Variants in ADGRG6 observed in about 807,000 individuals in gnomAD.
The protein encoded by ADGRG6 is adhesion G protein-coupled receptor G6.
In ADGRG6, 84 loss-of-function variants were observed where a neutral mutation model predicts 142.4. That is an observed-to-expected ratio of 0.59 (90% CI 0.49 to 0.71). The LOEUF (loss-of-function observed/expected upper bound fraction) is 0.71, where lower values mean the gene tolerates loss of function less well. Ranked by LOEUF, ADGRG6 falls within the 30% of genes least tolerant of loss-of-function variation. ADGRG6 has a pLI of 0.00. For missense variants in ADGRG6, 1,367 were observed against 1,466.6 expected, an observed-to-expected ratio of 0.93 and a Z score of 1.11; for synonymous variants, 521 against 520.5, an observed-to-expected ratio of 1.00 and a Z score of -0.01.
In ADGRG6 at chr6:142,402,709, C is replaced by A; in HGVS notation, c.1834C>A (p.Gln612Lys). ...TSANITNIVE[Q>K]VKRIVNKEEN... ...AGCCAATATTACCAACATTGTGGAA[C>A]AGGTCAAAAGAATTGTGAATAAAGA... Residue 612 changes from glutamine to lysine, a missense_variant, in exon 13 of 25, where the codon CAG becomes AAG. By Grantham distance (53) the Gln-to-Lys change is moderately conservative. Around this residue, in one of 3 missense-constraint regions of ADGRG6, gnomAD observed 737 missense variants for 746.5 expected, o/e 0.99. Coordinates refer to ENST00000367609, the MANE Select transcript of ADGRG6 (RefSeq NM_198569.3). 1 of 1,605,184 alleles carries A rather than the reference C, an allele frequency of 6.2e-7. No individual in the cohort carries two copies. Among genetic ancestry groups the A allele is most frequent in the Non-Finnish European group, 8.5e-7 (1 of 1,172,606 alleles).
At chr6:142,413,253 A>T (rs1344938590) in intron 18 of ADGRG6, among the ~76,000 whole-genome samples, 1 of 151,888 alleles carries the variant, frequency 6.6e-6, no homozygotes, top group Non-Finnish European at 1.5e-5. Context: ...ATATTCCCAG[A>T]GTCTGCATTG....
intron 2 of ADGRG6, among the ~76,000 whole-genome samples, chr6:142,321,814 CTG>C (rs746338645): frequency 1.1e-3 from 161 of 152,152 alleles, no homozygotes; most frequent in Admixed American, 5.0e-3. Flanking sequence ...TTAGTTAAAT[CTG>C]TGCATTTTTT....
At position 142,402,741 on chromosome 6, in the gene ADGRG6, C is replaced by G. The variant is rs756707921; in HGVS notation, c.1866C>G (p.Asn622Lys). 2 of 1,596,848 alleles carry G rather than the reference C, an allele frequency of 1.3e-6. No homozygotes were observed. The highest frequency in any genetic ancestry group is 8.6e-7 in the Non-Finnish European group (1 of 1,165,094). ...QVKRIVNKEE[N>K]IDITLGSTLM... ...AAAGAATTGTGAATAAAGAAGAAAA[C>G]ATTGATATAACACTTGGCTCAACTC... The change falls in exon 13 of 25, where the codon AAC becomes AAG. Residue 622 changes from asparagine (N) to lysine (K), a missense_variant. This residue lies in a region of ADGRG6 where 737 missense variants were observed against 746.5 expected (regional missense o/e 0.99). Coordinates refer to ENST00000367609, the MANE Select transcript of ADGRG6 (RefSeq NM_198569.3).
chr6:142,436,562 GA>G (rs200612770), intron 22 of ADGRG6, among the ~76,000 whole-genome samples: 1,859 of 152,224 alleles, frequency 0.012, 21 homozygotes, highest in Middle Eastern at 0.1. Context: ...GTTTTATTGG[GA>G]AAAGGAATAA....
At chr6:142,305,390 C>T (rs746674421) in intron 1 of ADGRG6, among the ~76,000 whole-genome samples, 7 of 147,738 alleles carry the variant, frequency 4.7e-5, no homozygotes, top group Middle Eastern at 6.8e-3. Context: ...TAATCATTCC[C>T]GTTCCTCCTT....
At chr6:142,404,407 G>A (rs1460954964) in intron 14 of ADGRG6, among the ~76,000 whole-genome samples, 2 of 152,064 alleles carry the variant, frequency 1.3e-5, no homozygotes, top group East Asian at 1.9e-4. Flanking sequence ...TTGGGAGGCC[G>A]AGGTGGGTGG....
At chr6:142,339,268 C>T (rs1353849344) in intron 2 of ADGRG6, among the ~76,000 whole-genome samples, 1 of 152,136 alleles carries the variant, frequency 6.6e-6, no homozygotes, top group African/African-American at 2.4e-5. Flanking sequence ...GTGGAGAATC[C>T]CTTCTCTACT....
At chr6:142,380,523 G>C (rs1332268354) in intron 4 of ADGRG6, among the ~76,000 whole-genome samples, 1 of 152,132 alleles carries the variant, frequency 6.6e-6, no homozygotes, top group Non-Finnish European at 1.5e-5. Flanking sequence ...TTGTGTATCT[G>C]ATCATCCTTA....
At chr6:142,373,394 T>C (rs1320665863) in intron 4 of ADGRG6, among the ~76,000 whole-genome samples, 2 of 151,632 alleles carry the variant, frequency 1.3e-5, no homozygotes, top group African/African-American at 4.8e-5. Context: ...TTCAAACAAA[T>C]AATATTTGTT....
At chr6:142,407,429 A>G (rs1775864819) in intron 15 of ADGRG6, among the ~76,000 whole-genome samples, 1 of 152,160 alleles carries the variant, frequency 6.6e-6, no homozygotes, top group South Asian at 2.1e-4. Flanking sequence ...TCCTGTGATT[A>G]TTCCAAAACA....
chr6:142,375,185 T>A (rs1781446024), intron 4 of ADGRG6, among the ~76,000 whole-genome samples: 1 of 152,224 alleles, frequency 6.6e-6, no homozygotes, highest in Admixed American at 6.5e-5. Flanking sequence ...TCTTAAACTC[T>A]GTCCCTGAGA....
rs1781010711 is a variant in ADGRG6 at position 142,367,644 on chromosome 6, A to G, written c.179A>G (p.Asp60Gly). 6.2e-7 allele frequency: 1 copy of G among 1,613,698 alleles called. No homozygotes were observed. Among genetic ancestry groups the G allele is most frequent in the Non-Finnish European group, 8.5e-7 (1 of 1,179,840 alleles). ...GTFTSPCYPNDYPNSQACMWT... is the reference protein window; with the variant it reads ...GTFTSPCYPNGYPNSQACMWT... Reference sequence around the variant, plus strand: ...TTTACTTCTCCATGCTACCCTAACGACTACCCAAACAGCCAGGCTTGCATG... The same window carrying G: ...TTTACTTCTCCATGCTACCCTAACGGCTACCCAAACAGCCAGGCTTGCATG... Residue 60 changes from aspartate to glycine, a missense_variant, in exon 3 of 25, where the codon GAC becomes GGC. Transcript: ENST00000367609.
intron 3 of ADGRG6, among the ~76,000 whole-genome samples, chr6:142,368,476 C>T (rs1034602314): frequency 6.6e-6 from 1 of 151,826 alleles, no homozygotes; most frequent in Non-Finnish European, 1.5e-5. Context: ...TTTAAATAAT[C>T]TTTCTCTCTA....
chr6:142,421,108 T>C (rs1171188128), intron 22 of ADGRG6, among the ~76,000 whole-genome samples: 1 of 152,158 alleles, frequency 6.6e-6, no homozygotes, highest in African/African-American at 2.4e-5. Context: ...GCAAGTGTGT[T>C]TTAAGAAAGT....
At chr6:142,418,710 A>G (rs1032158346) in intron 21 of ADGRG6, among the ~76,000 whole-genome samples, 3 of 152,144 alleles carry the variant, frequency 2.0e-5, no homozygotes, top group Admixed American at 2.0e-4. Flanking sequence ...CTAGAATTCA[A>G]AGATGTGCAG....
intron 1 of ADGRG6, among the ~76,000 whole-genome samples, chr6:142,303,295 T>C (rs1387919035): frequency 6.6e-6 from 1 of 152,200 alleles, no homozygotes; most frequent in Non-Finnish European, 1.5e-5. Context: ...ATGAATTTAC[T>C]CTTTCAGTTC....
chr6:142,393,626 A>C (rs1381842921), intron 8 of ADGRG6, among the ~76,000 whole-genome samples: 2 of 152,196 alleles, frequency 1.3e-5, no homozygotes, highest in African/African-American at 4.8e-5. Flanking sequence ...ATATAAGTTC[A>C]GGAAGTACGT....
chr6:142,411,191 A>T, intron 17 of ADGRG6, 114 bp from the exon 18 acceptor site: 1 of 655,326 alleles, frequency 1.5e-6, no homozygotes, highest in East Asian at 2.6e-5. Flanking sequence ...CATTTTACAG[A>T]TAAACTCTGT....
intron 14 of ADGRG6, among the ~76,000 whole-genome samples, chr6:142,404,840 C>G (rs1443374935): frequency 6.6e-6 from 1 of 152,050 alleles, no homozygotes; most frequent in Non-Finnish European, 1.5e-5. Flanking sequence ...TCTGGGATAG[C>G]AGGTGACAGT....
Sources: gnomAD v4.1 joint callset for allele counts (sites outside exome capture counted in the v4.1 genomes callset) on GRCh38, gnomAD v4.1.1 for gene constraint, gnomAD v4.1.1 regional missense constraint, MANE v1.5 for transcripts, NCBI Gene and HGNC (gene_info 2026-07-23, HGNC 2026-07-21) for gene names.